EGFLAM: variants seen among roughly 807,000 people sequenced by gnomAD.
The protein encoded by EGFLAM is pikachurin.
EGFLAM carries 79 observed loss-of-function variants against 113.1 expected under a neutral mutation model. That is an observed-to-expected ratio of 0.70 (90% CI 0.58 to 0.84). The LOEUF is 0.84. EGFLAM is among the 40% of genes least tolerant of loss of function. The pLI, the probability that EGFLAM is intolerant of heterozygous loss-of-function variation, is 0.00. For missense variants in EGFLAM, 1,265 were observed against 1,291.6 expected, an observed-to-expected ratio of 0.98 and a Z score of 0.32; for synonymous variants, 504 against 487.6, an observed-to-expected ratio of 1.03 and a Z score of -0.44.
chr5:38,462,192 CAG>C (rs1312846766), intron 20 of EGFLAM, among the ~76,000 whole-genome samples: 1 of 152,006 alleles, frequency 6.6e-6, no homozygotes. Context: ...ATAAAATAAA[CAG>C]AAACTTCTGA....
chr5:38,428,822 C>T (rs1404485885), intron 14 of EGFLAM, among the ~76,000 whole-genome samples: 1 of 152,082 alleles, frequency 6.6e-6, no homozygotes, highest in African/African-American at 2.4e-5. Flanking sequence ...TGTAAATTTA[C>T]TAAGTTATTG....
At chr5:38,350,714 CTG>C (rs1266291116) in intron 4 of EGFLAM, 96 bp downstream of exon 4, 1 of 1,151,178 alleles carries the variant, frequency 8.7e-7, no homozygotes, top group Non-Finnish European at 1.2e-6. Flanking sequence ...GTGCCAAGCA[CTG>C]TGCTAGGCTC....
At chr5:38,454,801 A>T (rs1484162695) in intron 19 of EGFLAM, among the ~76,000 whole-genome samples, 2 of 152,168 alleles carry the variant, frequency 1.3e-5, no homozygotes. Flanking sequence ...TTTACCTAAA[A>T]GCTGGTTCTT....
rs190769903 is a variant in EGFLAM, at chr5:38,351,050, C to T, written c.409+432C>T. 3.0e-4 allele frequency among the ~76,000 whole-genome samples: 45 copies of T among 151,552 alleles called. No individual in the cohort carries two copies. In the East Asian group the frequency reaches 6.8e-3, roughly 23 times the overall value. Reference sequence around the variant, plus strand: ...AAAGTTGGGTTGATGCTGGTCACTGCTGGCAAGGAGCTTTTTGTGGAAGGA... The same window carrying T: ...AAAGTTGGGTTGATGCTGGTCACTGTTGGCAAGGAGCTTTTTGTGGAAGGA... On this transcript the variant is annotated intron_variant, in intron 4 of 21. Coordinates refer to ENST00000322350, the MANE Select transcript of EGFLAM (RefSeq NM_152403.4).
chr5:38,438,864 A>G (rs1021707560), intron 17 of EGFLAM, among the ~76,000 whole-genome samples: 1 of 152,224 alleles, frequency 6.6e-6, no homozygotes, highest in African/African-American at 2.4e-5. Flanking sequence ...CTGTCTGTGC[A>G]TGCTGTATAA....
chr5:38,304,775 A>G (rs1275729029), intron 1 of EGFLAM, among the ~76,000 whole-genome samples: 1 of 152,210 alleles, frequency 6.6e-6, no homozygotes, highest in Non-Finnish European at 1.5e-5. Flanking sequence ...AAGTCGAAAT[A>G]TCTTGGAGGA....
chr5:38,451,540 G>T, intron 19 of EGFLAM, 82 bp downstream of exon 19: 5 of 1,530,798 alleles, frequency 3.3e-6, no homozygotes, highest in East Asian at 2.3e-5. Context: ...ATTCAGAAGG[G>T]AGCCAGAACA....
rs1561111081 is a variant in EGFLAM at position 38,463,902 on chromosome 5, C to G, written c.2946C>G (p.His982Gln). ...GAGGGCTCGTGGGCTGTATCTCTCA[C>G]TTCACCCTGTCCACCGATTACCACA... The part of the protein sequence containing the change: ...YMRGLVGCIS[H>Q]FTLSTDYHIS... The change falls in exon 22 of 22, where the codon CAC becomes CAG. Residue 982 changes from histidine to glutamine, a missense_variant. His to Gln is a conservative substitution (Grantham distance 24). Coordinates refer to ENST00000322350, the MANE Select transcript of EGFLAM (RefSeq NM_152403.4). 1 of 1,614,246 alleles carries G rather than the reference C, an allele frequency of 6.2e-7. No individual in the cohort carries two copies. Among genetic ancestry groups the G allele is most frequent in the East Asian group, 2.2e-5 (1 of 44,888 alleles).
chr5:38,327,047 C>G (rs1738908624), intron 1 of EGFLAM, among the ~76,000 whole-genome samples: 1 of 152,118 alleles, frequency 6.6e-6, no homozygotes, highest in Non-Finnish European at 1.5e-5. Flanking sequence ...ATCCACCCAC[C>G]TCAGCCTCCC....
chr5:38,305,467 A>G (rs143896762), intron 1 of EGFLAM: 190 of 455,036 alleles, frequency 4.2e-4, no homozygotes, highest in African/African-American at 3.3e-3. Flanking sequence ...GAAAACTTGG[A>G]CAGAACCATG....
chr5:38,331,397 A>G (rs188816582), intron 1 of EGFLAM, among the ~76,000 whole-genome samples: 2 of 152,308 alleles, frequency 1.3e-5, no homozygotes, highest in East Asian at 3.9e-4. Flanking sequence ...AACTCTGCCT[A>G]TTCATCCCTT....
intron 6 of EGFLAM, among the ~76,000 whole-genome samples, chr5:38,387,729 T>G (rs1477425856): frequency 6.6e-6 from 1 of 152,274 alleles, no homozygotes; most frequent in East Asian, 1.9e-4. Flanking sequence ...CAATACCAAT[T>G]TGAAAATGAG....
chr5:38,336,176 A>T (rs556413707), intron 1 of EGFLAM, among the ~76,000 whole-genome samples: 59 of 152,374 alleles, frequency 3.9e-4, no homozygotes, highest in African/African-American at 1.4e-3. Context: ...ATGATTGTAA[A>T]TATGCTATTT....
intron 1 of EGFLAM, among the ~76,000 whole-genome samples, chr5:38,270,808 G>A (rs968427768): frequency 6.6e-6 from 1 of 152,072 alleles, no homozygotes; most frequent in Non-Finnish European, 1.5e-5. Flanking sequence ...CTAAACATTT[G>A]GTACATAATG....
chr5:38,327,959 A>C (rs919351115), intron 1 of EGFLAM, among the ~76,000 whole-genome samples: 1 of 152,188 alleles, frequency 6.6e-6, no homozygotes, highest in Non-Finnish European at 1.5e-5. Flanking sequence ...GCCCTTTCTA[A>C]ATATTTAGAT....
intron 11 of EGFLAM, among the ~76,000 whole-genome samples, chr5:38,417,781 C>T (rs1741698697): frequency 6.6e-6 from 1 of 152,204 alleles, no homozygotes; most frequent in Non-Finnish European, 1.5e-5. Flanking sequence ...GCATGGTTCA[C>T]TGCCTGGTGG....
At chr5:38,454,861 A>G (rs1234566174) in intron 19 of EGFLAM, among the ~76,000 whole-genome samples, 1 of 152,206 alleles carries the variant, frequency 6.6e-6, no homozygotes, top group Non-Finnish European at 1.5e-5. Flanking sequence ...GGGAAAAACA[A>G]TGGGATTCTA....
Position 38,426,904 on chromosome 5 carries a change from T to G in EGFLAM, c.1811-105T>G, listed in dbSNP as rs372599822. ...AACCTAACTGCAGGGCTGCTGGGAA[T>G]TGTAGTTTAGGTCTGTACCCAGGAG... On this transcript the variant is annotated intron_variant, in intron 13 of 21. Transcript: ENST00000322350. 830 of 1,492,926 alleles carry G rather than the reference T, an allele frequency of 5.6e-4. 9 individuals are homozygous for G. The South Asian group carries it at 9.0e-3, about 16-fold the overall frequency. 92.5% of individuals were successfully genotyped at this position (1,492,926 alleles called of 1,614,324 possible).
chr5:38,337,428 T>C, intron 1 of EGFLAM, 92 bp from the exon 2 acceptor site: 1 of 1,134,506 alleles, frequency 8.8e-7, no homozygotes, highest in South Asian at 1.6e-5. Context: ...ATGCTTTTCA[T>C]CTGTTAGATA....
Sources: allele counts gnomAD v4.1 joint callset (sites outside exome capture counted in the v4.1 genomes callset), GRCh38; gene constraint gnomAD v4.1.1; transcripts MANE v1.5; gene names NCBI Gene and HGNC (gene_info 2026-07-23, HGNC 2026-07-21).